The following UNC13C variants were observed in gnomAD, a reference collection of about 807,000 sequenced individuals.
The protein encoded by UNC13C is protein unc-13 homolog C.
In UNC13C, 174 loss-of-function variants were observed where a neutral mutation model predicts 245.4. That is an observed-to-expected ratio of 0.71 (90% CI 0.63 to 0.80). The LOEUF (loss-of-function observed/expected upper bound fraction) is 0.80, where lower values mean the gene tolerates loss of function less well. Ranked by LOEUF, UNC13C falls within the 30% of genes least tolerant of loss-of-function variation. The pLI is 0.00. For synonymous variants in UNC13C, 992 were observed against 895.1 expected, an observed-to-expected ratio of 1.11 and a Z score of -1.93; for missense variants, 2,829 against 2,602.9, an observed-to-expected ratio of 1.09 and a Z score of -1.89.
chr15:54,212,041 G>A (rs1214795797), intron 4 of UNC13C, among the ~76,000 whole-genome samples: 2 of 152,058 alleles, frequency 1.3e-5, no homozygotes, highest in Admixed American at 1.3e-4. Context: ...TACACAAGGA[G>A]GCTAAGTGAC....
At chr15:54,133,800 A>G (rs754883776) in intron 2 of UNC13C, among the ~76,000 whole-genome samples, 10 of 152,212 alleles carry the variant, frequency 6.6e-5, no homozygotes, top group Non-Finnish European at 1.0e-4. Flanking sequence ...ATCTGTATAT[A>G]CATATATGAT....
chr15:54,424,867 G>A (rs2040726856), intron 19 of UNC13C, among the ~76,000 whole-genome samples: 1 of 151,798 alleles, frequency 6.6e-6, no homozygotes, highest in South Asian at 2.1e-4. Context: ...GGGTAAATTA[G>A]TGTATTGTGC....
the UNC13C span, among the ~76,000 whole-genome samples, chr15:53,882,294 G>T: frequency 2.6e-5 from 4 of 152,138 alleles, no homozygotes; most frequent in East Asian, 7.7e-4. Flanking sequence ...GTACAGTTCT[G>T]TATACAAATA....
rs776190972 is a variant in UNC13C at position 54,435,163 on chromosome 15, A to G, written c.4933+20096A>G. ...TAAATTAGTTCAGCAATAGTGGAAG[A>G]CAATGTGGCAATTCCTCAAAGATCT... is the stretch of plus-strand genomic sequence containing the variant. On this transcript the variant is annotated intron_variant, in intron 19 of 32. Coordinates refer to ENST00000260323, the MANE Select transcript of UNC13C (RefSeq NM_001080534.3). Among the ~76,000 whole-genome samples, 25 of 152,246 alleles carry G rather than the reference A, an allele frequency of 1.6e-4. 1 individual carries two copies. The highest frequency in any genetic ancestry group is 3.3e-4 in the Admixed American group (5 of 15,282).
chr15:53,892,292 T>C, the UNC13C span, among the ~76,000 whole-genome samples: 1 of 152,216 alleles, frequency 6.6e-6, no homozygotes, highest in Non-Finnish European at 1.5e-5. Context: ...AACCTTTTTC[T>C]CTGCTGCCCT....
At chr15:54,050,090 C>T in intron 2 of UNC13C, 3 of 328,706 alleles carry the variant, frequency 9.1e-6, no homozygotes, top group Admixed American at 3.9e-5. Context: ...CTGCCTCAGC[C>T]TCCCAAGTAG....
chr15:54,332,601 C>A (rs934264466), intron 15 of UNC13C, among the ~76,000 whole-genome samples: 54 of 152,030 alleles, frequency 3.6e-4, no homozygotes, highest in Non-Finnish European at 6.5e-4. Context: ...GTCAACAATT[C>A]TATATATCAC....
chr15:54,462,321 A>G (rs1239007519), intron 19 of UNC13C, among the ~76,000 whole-genome samples: 12 of 152,240 alleles, frequency 7.9e-5, no homozygotes, highest in Non-Finnish European at 2.9e-5. Flanking sequence ...ATTCGCTCTC[A>G]GTGCCTCCTT....
chr15:54,390,681 C>G (rs1000704265), intron 17 of UNC13C, among the ~76,000 whole-genome samples: 3 of 151,926 alleles, frequency 2.0e-5, no homozygotes, highest in Admixed American at 6.6e-5. Flanking sequence ...TATGAATATA[C>G]TTATTATAAG....
At chr15:54,625,723 A>T (rs1053638241) in intron 32 of UNC13C, among the ~76,000 whole-genome samples, 3 of 152,100 alleles carry the variant, frequency 2.0e-5, no homozygotes, top group African/African-American at 7.2e-5. Context: ...AAACTGAAGT[A>T]TCCTACTCTA....
At chr15:54,099,376 G>A (rs1900046749) in intron 2 of UNC13C, among the ~76,000 whole-genome samples, 1 of 152,080 alleles carries the variant, frequency 6.6e-6, no homozygotes, top group African/African-American at 2.4e-5. Flanking sequence ...CTTTGCTTGG[G>A]AATATAGCAA....
the UNC13C span, among the ~76,000 whole-genome samples, chr15:53,875,058 A>G: frequency 1.3e-5 from 2 of 152,098 alleles, no homozygotes; most frequent in African/African-American, 2.4e-5. Flanking sequence ...GTGCCACTGC[A>G]CTCCAGCCTG....
the UNC13C span, among the ~76,000 whole-genome samples, chr15:53,927,449 T>C: frequency 6.6e-6 from 1 of 152,096 alleles, no homozygotes; most frequent in African/African-American, 2.4e-5. Context: ...TGTTTGGAGA[T>C]AGAATTGATA....
chr15:53,965,456 GCT>G, the UNC13C span, among the ~76,000 whole-genome samples: 1 of 151,794 alleles, frequency 6.6e-6, no homozygotes, highest in East Asian at 1.9e-4. Context: ...CTCACAAAGA[GCT>G]CTCTCCTTTT....
chr15:54,530,579 C>T (rs1895690824), intron 25 of UNC13C, among the ~76,000 whole-genome samples: 1 of 151,992 alleles, frequency 6.6e-6, no homozygotes, highest in African/African-American at 2.4e-5. Flanking sequence ...AAAAAAAGAA[C>T]AATAAGGGAA....
the UNC13C span, among the ~76,000 whole-genome samples, chr15:53,855,069 A>G: frequency 6.6e-6 from 1 of 151,902 alleles, no homozygotes; most frequent in Admixed American, 6.6e-5. Flanking sequence ...TGTGAATGGG[A>G]GTTCATTCAT....
At chr15:53,865,493 C>A in the UNC13C span, among the ~76,000 whole-genome samples, 1 of 152,118 alleles carries the variant, frequency 6.6e-6, no homozygotes, top group African/African-American at 2.4e-5. Context: ...TCTAAGGACA[C>A]CAGTCATATT....
intron 23 of UNC13C, among the ~76,000 whole-genome samples, chr15:54,507,923 C>T (rs556486670): frequency 2.6e-4 from 40 of 151,614 alleles, no homozygotes; most frequent in African/African-American, 9.7e-4. Flanking sequence ...TTTTTTCCCC[C>T]TCCAAAAATC....
intron 12 of UNC13C, 119 bp from the exon 13 acceptor site, chr15:54,300,091 G>A: frequency 1.2e-6 from 1 of 843,648 alleles, no homozygotes. Flanking sequence ...ATTGCTTGCA[G>A]ATGCTGATGA....
Sources: gnomAD v4.1 joint callset for allele counts (sites outside exome capture counted in the v4.1 genomes callset) on GRCh38, gnomAD v4.1.1 for gene constraint, MANE v1.5 for transcripts, NCBI Gene and HGNC (gene_info 2026-07-23, HGNC 2026-07-21) for gene names.